ADAMTS18: variants seen among roughly 807,000 people sequenced by gnomAD.
The protein encoded by ADAMTS18 is ADAM metallopeptidase with thrombospondin type 1 motif 18.
ADAMTS18 carries 157 observed loss-of-function variants against 165.9 expected under a neutral mutation model. The observed-to-expected ratio is 0.95, with a 90% CI of 0.83 to 1.08. The LOEUF (loss-of-function observed/expected upper bound fraction) is 1.08, where lower values mean the gene tolerates loss of function less well. ADAMTS18 is among the 50% of genes least tolerant of loss of function. The probability of loss-of-function intolerance (pLI) is 0.00; values close to 1 mark genes in which losing one functional copy is unlikely to be tolerated. For synonymous variants in ADAMTS18, 782 were observed against 578.2 expected, an observed-to-expected ratio of 1.35 and a Z score of -5.06; for missense variants, 2,040 against 1,534.0, an observed-to-expected ratio of 1.33 and a Z score of -5.51.
intron 3 of ADAMTS18, among the ~76,000 whole-genome samples, chr16:77,419,977 A>T (rs987105081): frequency 1.4e-5 from 2 of 142,958 alleles, no homozygotes; most frequent in South Asian, 4.6e-4. Context: ...CAGCCCGGGC[A>T]ACAGTGTGAG....
chr16:77,424,827 T>A (rs974989467), intron 3 of ADAMTS18, among the ~76,000 whole-genome samples: 2 of 152,154 alleles, frequency 1.3e-5, no homozygotes, highest in Non-Finnish European at 2.9e-5. Context: ...CTTCACATGA[T>A]CCTCTCAAGT....
intron 3 of ADAMTS18, among the ~76,000 whole-genome samples, chr16:77,402,596 T>C (rs1318781400): frequency 6.6e-6 from 1 of 152,232 alleles, no homozygotes; most frequent in Non-Finnish European, 1.5e-5. Flanking sequence ...AGGCAGAATG[T>C]AAATAACTTT....
intron 22 of ADAMTS18, 46 bp downstream of exon 22, chr16:77,289,218 T>G: frequency 6.2e-7 from 1 of 1,611,108 alleles, no homozygotes; most frequent in African/African-American, 1.3e-5. Context: ...TTTGAAAAAA[T>G]TATCTAAAGA....
intron 3 of ADAMTS18, among the ~76,000 whole-genome samples, chr16:77,368,437 C>CTTTTTTT (rs892324445): frequency 1.5e-5 from 2 of 132,960 alleles, no homozygotes; most frequent in Admixed American, 7.5e-5. Flanking sequence ...TTCTTTTTTT[C>CTTTTTTT]TTTTTTTTTT....
intron 15 of ADAMTS18, among the ~76,000 whole-genome samples, 184 bp downstream of exon 15, chr16:77,320,895 G>C (rs913409245): frequency 6.6e-6 from 1 of 152,158 alleles, no homozygotes; most frequent in East Asian, 1.9e-4. Context: ...ATGTTTCTAC[G>C]AGGTAATGTA....
At chr16:77,285,919 A>G (rs2055241304) in intron 22 of ADAMTS18, among the ~76,000 whole-genome samples, 1 of 152,156 alleles carries the variant, frequency 6.6e-6, no homozygotes, top group Non-Finnish European at 1.5e-5. Context: ...TACTCGAGAC[A>G]ACCTGCACTC....
In ADAMTS18 at chr16:77,362,174, G is replaced by A. The variant is rs1256033738; in HGVS notation, c.1147C>T (p.His383Tyr). 8.7e-6 allele frequency: 14 copies of A among 1,613,948 alleles called. No individual in the cohort carries two copies. In the East Asian group the frequency reaches 2.7e-4, roughly 31 times the overall value. ...SALIGKNGKR[H>Y]DHAILLTGFD... ...CCTGTTAGTAAGATGGCATGATCAT[G>A]TCTCTTGCCATTCTTTCCAATGAGG... The change falls in exon 7 of 23, where the codon CAT (histidine) becomes TAT (tyrosine). Residue 383 changes from histidine to tyrosine, a missense_variant. His to Tyr is a moderately conservative substitution (Grantham distance 83). Coordinates refer to ENST00000282849, the MANE Select transcript of ADAMTS18 (RefSeq NM_199355.4).
chr16:77,379,573 C>A (rs2144767728), intron 3 of ADAMTS18, among the ~76,000 whole-genome samples: 1 of 152,280 alleles, frequency 6.6e-6, no homozygotes. Flanking sequence ...ACTGCAACCT[C>A]CACCTCCCAG....
In ADAMTS18 at chr16:77,394,327, A is replaced by G. The variant is rs77986450; in HGVS notation, c.496-26604T>C. 4.5e-3 allele frequency among the ~76,000 whole-genome samples: 679 copies of G among 152,340 alleles called. 7 individuals are homozygous for G. The highest frequency in any genetic ancestry group is 0.015 in the African/African-American group (617 of 41,570). ...GACCTAGTTTTAATTTCTGGTTACT[A>G]GCTAGGTGACATTTTTCAGTTATAT... is the stretch of plus-strand genomic sequence containing the variant. On this transcript the variant is annotated intron_variant, in intron 3 of 22. Coordinates refer to ENST00000282849, the MANE Select transcript of ADAMTS18 (RefSeq NM_199355.4).
At chr16:77,285,373 A>G (rs994127087) in intron 22 of ADAMTS18, among the ~76,000 whole-genome samples, 1 of 151,436 alleles carries the variant, frequency 6.6e-6, no homozygotes, top group Non-Finnish European at 1.5e-5. Context: ...GGGTTTCACC[A>G]TGTTGGTCAC....
At chr16:77,368,304 GGC>G (rs2056828259) in intron 3 of ADAMTS18, among the ~76,000 whole-genome samples, 2 of 152,172 alleles carry the variant, frequency 1.3e-5, no homozygotes, top group African/African-American at 2.4e-5. Flanking sequence ...GTGCCTGAAG[GGC>G]TGAGCCATGG....
chr16:77,315,404 T>C (rs1020510057), intron 16 of ADAMTS18, among the ~76,000 whole-genome samples: 1 of 152,222 alleles, frequency 6.6e-6, no homozygotes, highest in Non-Finnish European at 1.5e-5. Flanking sequence ...CCTTAAAATC[T>C]GGATAGAAAC....
At chr16:77,360,397 G>A (rs920447386) in intron 7 of ADAMTS18, among the ~76,000 whole-genome samples, 1 of 152,152 alleles carries the variant, frequency 6.6e-6, no homozygotes, top group African/African-American at 2.4e-5. Context: ...CTACACTCAG[G>A]AATCAACCAC....
At position 77,295,903 on chromosome 16, in the gene ADAMTS18, G is replaced by C. The variant is rs1184947734; in HGVS notation, c.2802-776C>G. Among the ~76,000 whole-genome samples the C allele has an allele frequency of 3.3e-5, 5 of 151,830 alleles. No homozygotes were observed. In the South Asian group the frequency reaches 8.3e-4, roughly 25 times the overall value. ...TTGTTGCCCAGGCTGGAGTGCAATG[G>C]CTCGATCTCAGCTCACTGCAACCTC... On this transcript the variant is annotated intron_variant, in intron 18 of 22. Transcript: ENST00000282849.
intron 3 of ADAMTS18, among the ~76,000 whole-genome samples, chr16:77,407,674 A>G (rs956560477): frequency 2.0e-5 from 3 of 152,222 alleles, no homozygotes; most frequent in African/African-American, 7.2e-5. Context: ...AGTATCAGCT[A>G]GCAATGTAGT....
chr16:77,344,155 G>GTGTATA lies in ADAMTS18; in HGVS notation c.1615-2357_1615-2356insTATACA, dbSNP rs369058375. On this transcript the variant is annotated intron_variant, in intron 10 of 22. Coordinates refer to ENST00000282849, the MANE Select transcript of ADAMTS18 (RefSeq NM_199355.4). ...CATACATATATATGTATGTGTGTGT[G>GTGTATA]TATATATATATATATATATATACAC... 7.1e-3 allele frequency among the ~76,000 whole-genome samples: 989 copies of GTGTATA among 140,232 alleles called. 8 individuals are homozygous for GTGTATA. The highest frequency in any genetic ancestry group is 0.02 in the African/African-American group (744 of 37,648). 92.0% of individuals were successfully genotyped at this position (140,232 alleles called of 152,430 possible).
At chr16:77,380,964 C>T (rs1307024068) in intron 3 of ADAMTS18, among the ~76,000 whole-genome samples, 2 of 152,144 alleles carry the variant, frequency 1.3e-5, no homozygotes, top group African/African-American at 4.8e-5. Context: ...ACCTCCACTT[C>T]CTGGGTTCAA....
intron 3 of ADAMTS18, among the ~76,000 whole-genome samples, chr16:77,428,449 T>C (rs929430671): frequency 6.6e-6 from 1 of 152,078 alleles, no homozygotes; most frequent in Non-Finnish European, 1.5e-5. Flanking sequence ...ATCAGAACAA[T>C]GCAAACTACA....
At chr16:77,397,915 A>G (rs28457161) in intron 3 of ADAMTS18, among the ~76,000 whole-genome samples, 47,189 of 152,094 alleles carry the variant, frequency 0.31, 7,734 homozygotes, top group Non-Finnish European at 0.36. Flanking sequence ...TCCTATGTAC[A>G]GCAAAATTGC....
Sources: gnomAD v4.1 joint callset for allele counts (sites outside exome capture counted in the v4.1 genomes callset) on GRCh38, gnomAD v4.1.1 for gene constraint, MANE v1.5 for transcripts, NCBI Gene and HGNC (gene_info 2026-07-23, HGNC 2026-07-21) for gene names.